Variants in RANBP2 observed in about 807,000 individuals in gnomAD.
The protein encoded by RANBP2 is RAN binding protein 2.
A neutral mutation model predicts 303.6 loss-of-function variants in RANBP2; 57 were observed. The observed-to-expected ratio is 0.19, with a 90% confidence interval of 0.15 to 0.23. The LOEUF (loss-of-function observed/expected upper bound fraction) is 0.23, where lower values mean the gene tolerates loss of function less well. Ranked by LOEUF, RANBP2 falls within the 10% of genes least tolerant of loss-of-function variation. RANBP2 has a pLI of 1.00. For missense variants in RANBP2, 3,138 were observed against 3,780.8 expected (o/e 0.83, Z 4.46); for synonymous variants, 1,167 against 1,301.5 (o/e 0.90, Z 2.23).
chr2:109,556,025 T>TTCA, the RANBP2 span, among the ~76,000 whole-genome samples: 1 of 152,214 alleles, frequency 6.6e-6, no homozygotes, highest in Non-Finnish European at 1.5e-5. Flanking sequence ...TGAAGCCTCA[T>TTCA]TCATCTCTGT....
the RANBP2 span, among the ~76,000 whole-genome samples, chr2:109,170,264 CTT>C: frequency 1.3e-4 from 7 of 52,514 alleles, no homozygotes; most frequent in African/African-American, 4.0e-4. Flanking sequence ...CTTCTCTTCT[CTT>C]CTCTTCTCTT....
chr2:109,449,036 C>T, the RANBP2 span: 1 of 1,052,006 alleles, frequency 9.5e-7, no homozygotes, highest in Non-Finnish European at 1.4e-6. Flanking sequence ...GAGGCCAGGT[C>T]TGTCTGGAGA....
At chr2:109,763,730 T>C in the RANBP2 span, among the ~76,000 whole-genome samples, 1 of 150,444 alleles carries the variant, frequency 6.6e-6, no homozygotes, top group South Asian at 2.2e-4. Context: ...AAAAACTTTT[T>C]TGAAGGAGGA....
the RANBP2 span, chr2:108,929,452 T>TCCG: frequency 6.6e-7 from 1 of 1,504,138 alleles, no homozygotes; most frequent in Non-Finnish European, 9.2e-7. Context: ...CCCACAGTCC[T>TCCG]TGGGCAGTGA....
chr2:108,923,363 C>A, the RANBP2 span: 2 of 1,613,844 alleles, frequency 1.2e-6, no homozygotes, highest in African/African-American at 1.3e-5. Context: ...GACAAAGACA[C>A]TCACATTCCT....
At chr2:109,219,763 TACA>T in the RANBP2 span, among the ~76,000 whole-genome samples, 2 of 152,230 alleles carry the variant, frequency 1.3e-5, no homozygotes, top group South Asian at 2.1e-4. Context: ...CACTGAAAAC[TACA>T]ACATGTTTTT....
chr2:109,008,511 C>G, the RANBP2 span, among the ~76,000 whole-genome samples: 1 of 151,682 alleles, frequency 6.6e-6, no homozygotes, highest in Admixed American at 6.6e-5. Context: ...GGACAGAGAC[C>G]TGGGCACTTG....
the RANBP2 span, among the ~76,000 whole-genome samples, chr2:109,083,106 A>C: frequency 1.3e-5 from 2 of 152,140 alleles, no homozygotes; most frequent in African/African-American, 2.4e-5. Context: ...AATTACAGGC[A>C]TGAGCCACCA....
chr2:109,036,234 A>G, the RANBP2 span, among the ~76,000 whole-genome samples: 1,317 of 152,348 alleles, frequency 8.6e-3, 22 homozygotes, highest in African/African-American at 0.03. Flanking sequence ...CAAACGGCTC[A>G]CAAAAAAGAA....
At chr2:109,733,429 C>T in the RANBP2 span, among the ~76,000 whole-genome samples, 1 of 145,666 alleles carries the variant, frequency 6.9e-6, no homozygotes, top group Non-Finnish European at 1.6e-5. Context: ...AATTTCTCAA[C>T]ATGATAGAGT....
chr2:109,420,502 A>G, the RANBP2 span, among the ~76,000 whole-genome samples: 2 of 151,936 alleles, frequency 1.3e-5, no homozygotes, highest in Admixed American at 1.3e-4. Flanking sequence ...CTGGAGTGCA[A>G]TGGCGCGATC....
the RANBP2 span, among the ~76,000 whole-genome samples, chr2:109,515,335 G>C: frequency 6.6e-6 from 1 of 152,186 alleles, no homozygotes; most frequent in Non-Finnish European, 1.5e-5. Flanking sequence ...AGAGAAGGGG[G>C]CCTGCAGGCT....
the RANBP2 span, among the ~76,000 whole-genome samples, chr2:108,853,856 A>ATAT: frequency 3.1e-5 from 4 of 127,760 alleles, no homozygotes; most frequent in African/African-American, 9.0e-5. Flanking sequence ...TATATACTAT[A>ATAT]TATATAATAT....
chr2:109,097,632 CTT>C, the RANBP2 span, among the ~76,000 whole-genome samples: 45 of 147,640 alleles, frequency 3.0e-4, no homozygotes, highest in South Asian at 8.5e-4. Context: ...CCATTATAGT[CTT>C]TTTTTTTTTT....
chr2:109,438,170 A>G, the RANBP2 span, among the ~76,000 whole-genome samples: 5 of 152,210 alleles, frequency 3.3e-5, no homozygotes, highest in African/African-American at 1.2e-4. Flanking sequence ...AGCAGAGGCC[A>G]TATTTCCTTC....
chr2:109,518,487 C>T, the RANBP2 span, among the ~76,000 whole-genome samples: 1 of 152,196 alleles, frequency 6.6e-6, no homozygotes, highest in Non-Finnish European at 1.5e-5. Context: ...GCCTACGGCC[C>T]AGCTCCACAA....
chr2:109,032,382 C>T, the RANBP2 span, among the ~76,000 whole-genome samples: 1 of 152,136 alleles, frequency 6.6e-6, no homozygotes, highest in East Asian at 1.9e-4. Context: ...CTCCAGGACC[C>T]AACCTCAGTC....
the RANBP2 span, among the ~76,000 whole-genome samples, chr2:109,485,537 C>T: frequency 2.6e-5 from 4 of 152,138 alleles, no homozygotes; most frequent in African/African-American, 9.7e-5. Context: ...TAGAGGAGCC[C>T]CCATCTTAAT....
At chr2:109,157,925 C>T in the RANBP2 span, among the ~76,000 whole-genome samples, 1 of 152,178 alleles carries the variant, frequency 6.6e-6, no homozygotes, top group Non-Finnish European at 1.5e-5. Context: ...GTTTGATTTG[C>T]AGGCCGCTAA....
Sources: allele counts gnomAD v4.1 joint callset (sites outside exome capture counted in the v4.1 genomes callset), GRCh38; gene constraint gnomAD v4.1.1; transcripts MANE v1.5; gene names NCBI Gene and HGNC (gene_info 2026-07-23, HGNC 2026-07-21).